The following LRP1B variants were observed in gnomAD, a reference collection of about 807,000 sequenced individuals.
The protein encoded by LRP1B is LDL receptor related protein 1B, also known as low-density lipoprotein receptor-related protein 1B.
Under a neutral mutation model 556.6 loss-of-function variants are expected in LRP1B, and 217 were observed. That is an observed-to-expected ratio of 0.39 (90% CI 0.35 to 0.44). LRP1B has a LOEUF of 0.44. LRP1B is among the 20% of genes least tolerant of loss of function. The probability of loss-of-function intolerance (pLI) is 1.00; values close to 1 mark genes in which losing one functional copy is unlikely to be tolerated. For missense variants in LRP1B, 5,053 were observed against 5,620.8 expected (o/e 0.90, Z 3.23); for synonymous variants, 2,047 against 1,865.8 (o/e 1.10, Z -2.50).
chr2:141,480,644 A>G, intron 2 of LRP1B, 111 bp from the exon 3 acceptor site: 1 of 1,041,554 alleles, frequency 9.6e-7, no homozygotes, highest in Non-Finnish European at 1.5e-6. Context: ...TATAGAAAAT[A>G]CTGTAAGAGT....
At chr2:140,484,698 AC>A (rs1490509468) in intron 59 of LRP1B, among the ~76,000 whole-genome samples, 1 of 152,172 alleles carries the variant, frequency 6.6e-6, no homozygotes, top group Admixed American at 6.6e-5. Context: ...AATCTATAGA[AC>A]TTTAGCAAAC....
At chr2:140,318,514 T>G (rs1457312173) in intron 82 of LRP1B, among the ~76,000 whole-genome samples, 1 of 152,124 alleles carries the variant, frequency 6.6e-6, no homozygotes, top group African/African-American at 2.4e-5. Context: ...GCCAAAAACT[T>G]GTTTCATTTT....
At chr2:142,025,233 T>C (rs1703465352) in intron 1 of LRP1B, among the ~76,000 whole-genome samples, 1 of 152,180 alleles carries the variant, frequency 6.6e-6, no homozygotes, top group African/African-American at 2.4e-5. Flanking sequence ...ACAAAACTAT[T>C]TCAATCTGTA....
At chr2:141,691,697 G>A (rs1031199022) in intron 2 of LRP1B, among the ~76,000 whole-genome samples, 1 of 151,874 alleles carries the variant, frequency 6.6e-6, no homozygotes, top group African/African-American at 2.4e-5. Context: ...ACACCTGTAT[G>A]TATGATTTCA....
intron 18 of LRP1B, among the ~76,000 whole-genome samples, chr2:140,977,342 G>A (rs1249016716): frequency 6.6e-6 from 1 of 152,122 alleles, no homozygotes; most frequent in African/African-American, 2.4e-5. Context: ...ATGATTGTGA[G>A]GCTTCTATAA....
chr2:141,574,966 A>C lies in LRP1B; in HGVS notation c.206-94433T>G, dbSNP rs192565767. ...CAAGGAAATAAGAGAGGATCCAAAC[A>C]AATGGAAAAACATTCCATTCTCACG... On this transcript the variant is annotated intron_variant, in intron 2 of 90. Transcript: ENST00000389484. 2.5e-3 allele frequency among the ~76,000 whole-genome samples: 376 copies of C among 152,314 alleles called. 2 individuals carry two copies. The highest frequency in any genetic ancestry group is 8.7e-3 in the African/African-American group (363 of 41,566).
At chr2:142,091,439 T>C (rs1706170596) in intron 1 of LRP1B, among the ~76,000 whole-genome samples, 1 of 152,140 alleles carries the variant, frequency 6.6e-6, no homozygotes, top group South Asian at 2.1e-4. Flanking sequence ...CTGAAAATTA[T>C]ACTTCTTAGA....
chr2:140,810,948 G>A (rs924097151), intron 32 of LRP1B, among the ~76,000 whole-genome samples: 5 of 152,110 alleles, frequency 3.3e-5, no homozygotes, highest in East Asian at 1.9e-4. Context: ...TGTTGACCAC[G>A]CTGGTCTTGA....
chr2:140,299,171 T>C (rs907733229), intron 83 of LRP1B, among the ~76,000 whole-genome samples: 11 of 152,084 alleles, frequency 7.2e-5, no homozygotes, highest in African/African-American at 2.7e-4. Flanking sequence ...GAAAATGATA[T>C]AATTTTCTCT....
chr2:140,572,618 C>T (rs1430877405), intron 43 of LRP1B, among the ~76,000 whole-genome samples: 1 of 151,564 alleles, frequency 6.6e-6, no homozygotes, highest in African/African-American at 2.4e-5. Flanking sequence ...AGCAATCCTG[C>T]AACTGAGCTT....
chr2:141,858,194 C>A (rs1698125432), intron 1 of LRP1B, among the ~76,000 whole-genome samples: 1 of 152,108 alleles, frequency 6.6e-6, no homozygotes. Context: ...AAACTCATTT[C>A]TTTTGGGTAG....
At chr2:141,482,490 T>C (rs1573997889) in intron 2 of LRP1B, among the ~76,000 whole-genome samples, 1 of 152,094 alleles carries the variant, frequency 6.6e-6, no homozygotes, top group South Asian at 2.1e-4. Flanking sequence ...AAATATATCT[T>C]TATTTCCATA....
chr2:141,603,382 C>A (rs2105311975), intron 2 of LRP1B, among the ~76,000 whole-genome samples: 1 of 152,272 alleles, frequency 6.6e-6, no homozygotes, highest in South Asian at 2.1e-4. Flanking sequence ...ACTAATCCTT[C>A]AGTGAATCCT....
At chr2:140,453,499 A>C (rs1686965158) in intron 62 of LRP1B, among the ~76,000 whole-genome samples, 1 of 151,998 alleles carries the variant, frequency 6.6e-6, no homozygotes, top group Non-Finnish European at 1.5e-5. Context: ...TAAACTGTAG[A>C]CTGTAATTAT....
intron 41 of LRP1B, among the ~76,000 whole-genome samples, chr2:140,648,752 T>C (rs1478612552): frequency 1.3e-5 from 2 of 152,046 alleles, no homozygotes; most frequent in African/African-American, 4.8e-5. Flanking sequence ...ACAGGAATGG[T>C]GTGAGATCCC....
At chr2:140,820,228 G>A (rs1232373487) in intron 31 of LRP1B, among the ~76,000 whole-genome samples, 5 of 152,122 alleles carry the variant, frequency 3.3e-5, no homozygotes, top group African/African-American at 1.2e-4. Flanking sequence ...GATCCACCTG[G>A]CTCAGCCTCT....
At chr2:140,442,473 A>G in intron 66 of LRP1B, 31 bp downstream of exon 66, 1 of 1,596,250 alleles carries the variant, frequency 6.3e-7, no homozygotes, top group Non-Finnish European at 8.5e-7. Flanking sequence ...TCAAATACGG[A>G]GAGATAAGAC....
chr2:141,903,461 G>C (rs1699677385), intron 1 of LRP1B, among the ~76,000 whole-genome samples: 1 of 151,620 alleles, frequency 6.6e-6, no homozygotes, highest in East Asian at 1.9e-4. Context: ...ACCCTCCCAT[G>C]AATAATATAT....
chr2:141,593,494 G>A (rs1687411514), intron 2 of LRP1B, among the ~76,000 whole-genome samples: 1 of 1,436 alleles, frequency 7.0e-4, no homozygotes, highest in Non-Finnish European at 0.5. Flanking sequence ...CGAGGCGGGT[G>A]GATCATGAGG....
Sources: allele counts gnomAD v4.1 joint callset (sites outside exome capture counted in the v4.1 genomes callset), GRCh38; gene constraint gnomAD v4.1.1; transcripts MANE v1.5; gene names NCBI Gene and HGNC (gene_info 2026-07-23, HGNC 2026-07-21).